The following PIEZO2 variants were observed in gnomAD, a reference collection of about 807,000 sequenced individuals.
The protein encoded by PIEZO2 is piezo-type mechanosensitive ion channel component 2.
PIEZO2 carries 172 observed loss-of-function variants against 337.3 expected under a neutral mutation model. The ratio of observed to expected loss-of-function variants is 0.51; its 90% CI spans 0.45 to 0.58. The LOEUF (loss-of-function observed/expected upper bound fraction) is 0.58, where lower values mean the gene tolerates loss of function less well. Among genes scored for constraint, PIEZO2 ranks in the 20% least tolerant of loss-of-function variants. PIEZO2 has a pLI of 0.00. For synonymous variants in PIEZO2, 1,251 were observed against 1,228.5 expected (o/e 1.02, Z -0.38); for missense variants, 3,028 against 3,391.3 (o/e 0.89, Z 2.66).
intron 23 of PIEZO2, among the ~76,000 whole-genome samples, chr18:10,761,505 T>C (rs1210701358): frequency 1.3e-5 from 2 of 152,146 alleles, no homozygotes; most frequent in Non-Finnish European, 2.9e-5. Context: ...GGGAAGCTGC[T>C]TAGGGGGAAG....
intron 2 of PIEZO2, among the ~76,000 whole-genome samples, chr18:11,052,983 G>T (rs902459913): frequency 2.0e-5 from 3 of 152,080 alleles, no homozygotes; most frequent in Non-Finnish European, 2.9e-5. Context: ...TAGCTCTGTC[G>T]TCAAGGGCAT....
intron 1 of PIEZO2, among the ~76,000 whole-genome samples, chr18:11,086,621 A>G (rs1172782098): frequency 6.6e-6 from 1 of 152,226 alleles, no homozygotes; most frequent in African/African-American, 2.4e-5. Flanking sequence ...AAATATCCAC[A>G]CAAATTTACA....
rs369824933 is a variant in PIEZO2 at position 11,104,216 on chromosome 18, T to C, written c.65-37994A>G. On this transcript the variant is annotated intron_variant, in intron 1 of 55. Coordinates refer to ENST00000674853, the MANE Select transcript of PIEZO2 (RefSeq NM_001378183.1). The surrounding 1 kb of genome is among the most constrained non-coding windows in gnomAD (Gnocchi z 4.6). ...ACCAGGAGAATGGTCTATGTAACAC[T>C]TGGAGCCCAGAATTTGGAGGCTTTT... Among the ~76,000 whole-genome samples, 63 of 152,284 alleles carry C rather than the reference T, an allele frequency of 4.1e-4. No individual in the cohort carries two copies. In the East Asian group the frequency reaches 6.6e-3, roughly 16 times the overall value.
intron 1 of PIEZO2, among the ~76,000 whole-genome samples, chr18:11,067,698 A>G (rs2038196901): frequency 6.6e-6 from 1 of 152,240 alleles, no homozygotes; most frequent in Non-Finnish European, 1.5e-5. Context: ...CCAAGATTGG[A>G]ACATCTACAT....
chr18:10,756,393 T>C (rs992398797), intron 27 of PIEZO2, among the ~76,000 whole-genome samples: 1 of 138,726 alleles, frequency 7.2e-6, no homozygotes, highest in Non-Finnish European at 1.5e-5. Flanking sequence ...GGATGAAAGA[T>C]GAGGAGGACG....
chr18:10,942,016 G>A lies in PIEZO2; in HGVS notation c.287-30788C>T, dbSNP rs264158. On this transcript the variant is annotated intron_variant, in intron 3 of 55. Transcript: ENST00000674853. The surrounding 1 kb of genome is among the most constrained non-coding windows in gnomAD (Gnocchi z 4.4). ...AGTTTCTCTGTACAAGTCTCTCTTC[G>A]CCTGCTGCCATCCACGTAAGATGTG... 2.0e-3 allele frequency among the ~76,000 whole-genome samples: 297 copies of A among 152,218 alleles called. 3 individuals are homozygous for A. The highest frequency in any genetic ancestry group is 5.4e-3 in the African/African-American group (226 of 41,540).
At chr18:10,881,940 T>A (rs1214759023) in intron 4 of PIEZO2, among the ~76,000 whole-genome samples, 1 of 152,158 alleles carries the variant, frequency 6.6e-6, no homozygotes, top group Non-Finnish European at 1.5e-5. Context: ...CACTCTTTCT[T>A]CCAGGCTCCT....
intron 1 of PIEZO2, among the ~76,000 whole-genome samples, chr18:11,076,000 A>G (rs946211818): frequency 6.6e-6 from 1 of 152,072 alleles, no homozygotes; most frequent in African/African-American, 2.4e-5. Context: ...GTTATCCAGG[A>G]TGGCCTGGAT....
chr18:10,782,391 A>C (rs1166738256), intron 17 of PIEZO2, among the ~76,000 whole-genome samples: 1 of 88,664 alleles, frequency 1.1e-5, no homozygotes. Context: ...TTATAATTAT[A>C]TATAAATAAT....
Position 10,903,450 on chromosome 18 carries a change from G to A in PIEZO2, c.329+7736C>T, listed in dbSNP as rs1174682193. Among the ~76,000 whole-genome samples, 1 of 152,092 alleles carries A rather than the reference G, an allele frequency of 6.6e-6. No homozygotes were observed. The highest frequency in any genetic ancestry group is 1.5e-5 in the Non-Finnish European group (1 of 68,018). On this transcript the variant is annotated intron_variant, in intron 4 of 55. Transcript: ENST00000674853. The surrounding 1 kb of genome is among the most constrained non-coding windows in gnomAD (Gnocchi z 4.1). ...TGAGAGGCCAAGGCGGGCGGATCAT[G>A]AGGTCAAGAGATCGAGACCATCCTG...
intron 2 of PIEZO2, among the ~76,000 whole-genome samples, chr18:11,012,460 CTT>C (rs1468359396): frequency 6.6e-6 from 1 of 152,204 alleles, no homozygotes; most frequent in Non-Finnish European, 1.5e-5. Flanking sequence ...ATTCTAATAA[CTT>C]TTAATCAAAT....
At chr18:10,995,643 G>A (rs2035293738) in intron 2 of PIEZO2, among the ~76,000 whole-genome samples, 1 of 152,152 alleles carries the variant, frequency 6.6e-6, no homozygotes, top group Non-Finnish European at 1.5e-5. Flanking sequence ...TTATTTCCCA[G>A]TAGCCCAAGA....
At chr18:11,091,389 A>G (rs113201681) in intron 1 of PIEZO2, among the ~76,000 whole-genome samples, 4 of 122,794 alleles carry the variant, frequency 3.3e-5, no homozygotes, top group Non-Finnish European at 7.7e-5. Flanking sequence ...GTCTCAAAAA[A>G]AAAAAAAAAA....
chr18:10,741,713 A>T (rs1471105268), intron 32 of PIEZO2, among the ~76,000 whole-genome samples: 1 of 152,222 alleles, frequency 6.6e-6, no homozygotes, highest in Non-Finnish European at 1.5e-5. Context: ...GGTAAGTTTC[A>T]TTTGAGCAGG....
intron 3 of PIEZO2, among the ~76,000 whole-genome samples, chr18:10,939,463 C>T (rs2032601077): frequency 6.6e-6 from 1 of 152,166 alleles, no homozygotes; most frequent in Non-Finnish European, 1.5e-5. Flanking sequence ...AAGACACATG[C>T]ATACCTGTGT....
intron 9 of PIEZO2, among the ~76,000 whole-genome samples, chr18:10,801,650 A>G (rs1313293572): frequency 1.3e-5 from 1 of 79,308 alleles, no homozygotes; most frequent in Non-Finnish European, 2.6e-5. Context: ...GTTTAGTTAT[A>G]CAGCAGATAA....
chr18:10,725,306 G>C (rs759139484), intron 36 of PIEZO2: 122 of 1,588,032 alleles, frequency 7.7e-5, no homozygotes, highest in Non-Finnish European at 1.0e-4. Flanking sequence ...AAATACAGCA[G>C]AAGGAGGGCT....
At chr18:10,774,287 T>C (rs1219588777) in intron 18 of PIEZO2, among the ~76,000 whole-genome samples, 2 of 152,216 alleles carry the variant, frequency 1.3e-5, no homozygotes, top group African/African-American at 4.8e-5. Flanking sequence ...GAGAGCATAC[T>C]GAGACTGCTG....
rs77979805 is a variant in PIEZO2, at chr18:11,021,949, C to G, written c.161-42289G>C. On this transcript the variant is annotated intron_variant, in intron 2 of 55. Transcript: ENST00000674853. This position sits in a 1 kb window ranked among gnomAD's most constrained non-coding sequence, Gnocchi z 4.7. ...ATCCCTGTGCCCCTTGCAGAGTCAC[C>G]ACGTGTGAAGGGGATTTGCAGGGGG... Among the ~76,000 whole-genome samples the G allele has an allele frequency of 4.2e-3, 644 of 152,258 alleles. 20 individuals carry two copies. The East Asian group carries it at 0.055, about 13-fold the overall frequency.
Sources: allele counts gnomAD v4.1 joint callset (sites outside exome capture counted in the v4.1 genomes callset), GRCh38; gene constraint gnomAD v4.1.1; non-coding constraint Gnocchi (gnomAD v3.1); transcripts MANE v1.5; gene names NCBI Gene and HGNC (gene_info 2026-07-23, HGNC 2026-07-21).